The following RPS6KA5 variants were observed in gnomAD, a reference collection of about 807,000 sequenced individuals.
RPS6KA5 encodes the protein ribosomal protein S6 kinase alpha-5.
A neutral mutation model predicts 85.5 loss-of-function variants in RPS6KA5; 27 were observed. The observed-to-expected ratio is 0.32, with a 90% CI of 0.23 to 0.44. The LOEUF (loss-of-function observed/expected upper bound fraction) is 0.44. Among genes scored for constraint, RPS6KA5 ranks in the 20% least tolerant of loss-of-function variants. RPS6KA5 has a pLI of 1.00. For synonymous variants in RPS6KA5, 334 were observed against 348.2 expected, an observed-to-expected ratio of 0.96 and a Z score of 0.46; for missense variants, 811 against 980.9, an observed-to-expected ratio of 0.83 and a Z score of 2.31.
At position 90,866,403 on chromosome 14, in the gene RPS6KA5, G is replaced by A. The variant is rs1356991403; in HGVS notation, c.*5671C>T. ...GGATTGCTTGAGCCCAGGAGGTGGA[G>A]GTTGCAGTGAGCTGTGATCACGCCA... On this transcript the variant is annotated 3_prime_UTR_variant, in exon 17 of 17. Coordinates refer to ENST00000614987, the MANE Select transcript of RPS6KA5 (RefSeq NM_004755.4). 6.6e-6 allele frequency: 1 copy of A among 152,382 alleles called. No individual in the cohort carries two copies. The highest frequency in any genetic ancestry group is 1.5e-5 in the Non-Finnish European group (1 of 68,224). 9.4% of individuals were successfully genotyped at this position (152,382 alleles called of 1,614,324 possible).
At chr14:91,051,709 G>A (rs1247728902) in intron 1 of RPS6KA5, among the ~76,000 whole-genome samples, 1 of 151,756 alleles carries the variant, frequency 6.6e-6, no homozygotes, top group Admixed American at 6.6e-5. Context: ...GGCTGGTCTC[G>A]AACTCCTGAC....
intron 1 of RPS6KA5, among the ~76,000 whole-genome samples, chr14:91,015,501 A>C (rs2041451584): frequency 6.6e-6 from 1 of 152,228 alleles, no homozygotes. Flanking sequence ...TATAGTCCAA[A>C]GTACTATTTC....
At chr14:91,006,086 C>T (rs1486038077) in intron 1 of RPS6KA5, among the ~76,000 whole-genome samples, 1 of 152,112 alleles carries the variant, frequency 6.6e-6, no homozygotes, top group Non-Finnish European at 1.5e-5. Context: ...CATGCCTTTG[C>T]CCAACCCCCT....
intron 2 of RPS6KA5, among the ~76,000 whole-genome samples, chr14:91,000,618 C>T (rs532363381): frequency 6.6e-6 from 1 of 152,198 alleles, no homozygotes; most frequent in South Asian, 2.1e-4. Context: ...CCTCGAACAA[C>T]ATGGTGAAAC....
intron 1 of RPS6KA5, among the ~76,000 whole-genome samples, chr14:91,048,305 AT>A (rs1474435718): frequency 6.6e-6 from 1 of 152,224 alleles, no homozygotes; most frequent in Non-Finnish European, 1.5e-5. Flanking sequence ...ATTCCAGAAA[AT>A]AGGATATACA....
intron 2 of RPS6KA5, among the ~76,000 whole-genome samples, chr14:90,992,463 AATAG>A (rs1451165447): frequency 6.6e-6 from 1 of 152,264 alleles, no homozygotes; most frequent in Non-Finnish European, 1.5e-5. Context: ...GCAGATGTAT[AATAG>A]ATAATGAGTC....
chr14:90,944,171 G>A (rs2037743521), intron 4 of RPS6KA5, among the ~76,000 whole-genome samples: 1 of 152,162 alleles, frequency 6.6e-6, no homozygotes, highest in Non-Finnish European at 1.5e-5. Context: ...TCATATAAGA[G>A]GTGCTTGATC....
At chr14:90,962,982 T>C (rs1484523505) in intron 3 of RPS6KA5, among the ~76,000 whole-genome samples, 4 of 152,176 alleles carry the variant, frequency 2.6e-5, no homozygotes, top group Non-Finnish European at 5.9e-5. Flanking sequence ...AAAAATACCA[T>C]TTCCTAATTT....
intron 2 of RPS6KA5, among the ~76,000 whole-genome samples, chr14:90,993,984 G>T (rs985485252): frequency 6.6e-6 from 1 of 151,872 alleles, no homozygotes; most frequent in African/African-American, 2.4e-5. Flanking sequence ...AACCTCCCAG[G>T]CTCAGACAAC....
intron 12 of RPS6KA5, among the ~76,000 whole-genome samples, chr14:90,898,926 C>T (rs552056523): frequency 6.6e-6 from 1 of 152,278 alleles, no homozygotes; most frequent in South Asian, 2.1e-4. Context: ...CAGGCTCTCT[C>T]AGTTTTACTC....
chr14:91,047,243 AAC>A (rs2042913118), intron 1 of RPS6KA5, among the ~76,000 whole-genome samples: 1 of 152,230 alleles, frequency 6.6e-6, no homozygotes, highest in Non-Finnish European at 1.5e-5. Context: ...AAGAAGAAAG[AAC>A]AAGGGCACAA....
chr14:91,038,559 C>G (rs1006052440), intron 1 of RPS6KA5, among the ~76,000 whole-genome samples: 1 of 152,176 alleles, frequency 6.6e-6, no homozygotes, highest in Non-Finnish European at 1.5e-5. Context: ...ACACACTGGC[C>G]CAGAATTGCC....
chr14:91,059,523 T>A (rs2043527457), intron 1 of RPS6KA5, among the ~76,000 whole-genome samples: 1 of 152,168 alleles, frequency 6.6e-6, no homozygotes, highest in South Asian at 2.1e-4. Context: ...TTGTACTGAT[T>A]GGTCTGAATA....
chr14:90,931,368 G>A (rs951041526), intron 5 of RPS6KA5, among the ~76,000 whole-genome samples: 2 of 152,064 alleles, frequency 1.3e-5, no homozygotes, highest in Non-Finnish European at 2.9e-5. Flanking sequence ...AATGGTGGCT[G>A]CTGGGGGTTA....
chr14:90,883,674 TTTC>T (rs770963228), intron 14 of RPS6KA5, among the ~76,000 whole-genome samples: 20 of 152,318 alleles, frequency 1.3e-4, no homozygotes, highest in African/African-American at 3.9e-4. Context: ...TGGGCCATAC[TTTC>T]TTGTTTCTTT....
chr14:90,856,243 A>T lies in RPS6KA5; in HGVS notation c.*15831T>A, dbSNP rs2032277468. On this transcript the variant is annotated 3_prime_UTR_variant, in exon 17 of 17. Coordinates refer to ENST00000614987, the MANE Select transcript of RPS6KA5 (RefSeq NM_004755.4). The stretch of plus-strand genomic sequence containing the variant: ...AGTTAGAAAAGATTTTCCAACCATA[A>T]CATAACTATGCTTCAGAGTTGATGC... 6.6e-6 allele frequency: 1 copy of T among 152,196 alleles called. No individual in the cohort carries two copies. Among genetic ancestry groups the T allele is most frequent in the Non-Finnish European group, 1.5e-5 (1 of 68,046 alleles). 9.4% of individuals were successfully genotyped at this position (152,196 alleles called of 1,614,324 possible).
At chr14:91,056,789 A>T (rs2043335597) in intron 1 of RPS6KA5, among the ~76,000 whole-genome samples, 1 of 150,080 alleles carries the variant, frequency 6.7e-6, no homozygotes, top group Non-Finnish European at 1.5e-5. Context: ...GATTATTTGA[A>T]AGCTAAAAGT....
In RPS6KA5 at chr14:90,859,172, T is replaced by A. The variant is rs2032421083; in HGVS notation, c.*12902A>T. 6.6e-6 allele frequency: 1 copy of A among 152,222 alleles called. No homozygotes were observed. Among genetic ancestry groups the A allele is most frequent in the South Asian group, 2.1e-4 (1 of 4,826 alleles). 9.4% of individuals were successfully genotyped at this position (152,222 alleles called of 1,614,324 possible). A position where few individuals can be genotyped will look rare whatever the true frequency, so the allele number is the denominator to read the frequency against. The stretch of plus-strand genomic sequence containing the variant: ...TAGGAGTAAGAGCAAAACTGAAATG[T>A]ACAAGCCCAACAAAGTCTAAAACCA... On this transcript the variant is annotated 3_prime_UTR_variant, in exon 17 of 17. Coordinates refer to ENST00000614987, the MANE Select transcript of RPS6KA5 (RefSeq NM_004755.4).
At chr14:90,876,290 A>G (rs538627319) in intron 14 of RPS6KA5, among the ~76,000 whole-genome samples, 2 of 152,276 alleles carry the variant, frequency 1.3e-5, no homozygotes, top group African/African-American at 4.8e-5. Context: ...CATTTCCACC[A>G]TCCTTTCCCC....
Sources: allele counts gnomAD v4.1 joint callset (sites outside exome capture counted in the v4.1 genomes callset), GRCh38; gene constraint gnomAD v4.1.1; transcripts MANE v1.5; gene names NCBI Gene and HGNC (gene_info 2026-07-23, HGNC 2026-07-21).